Variants in POLR2J observed in about 807,000 individuals in gnomAD.
POLR2J encodes the protein DNA-directed RNA polymerase II subunit RPB11-a.
A neutral mutation model predicts 13.4 loss-of-function variants in POLR2J; 12 were observed. The observed-to-expected ratio is 0.90, with a 90% CI of 0.57 to 1.45. The LOEUF is 1.45. POLR2J is among the 40% of genes most tolerant of loss of function. The pLI is 0.00. For synonymous variants in POLR2J, 31 were observed against 53.6 expected (o/e 0.58, Z 1.84); for missense variants, 58 against 132.0 (o/e 0.44, Z 2.75).
At position 102,473,726 on chromosome 7, in the gene POLR2J, G is replaced by A. The variant is rs373619328; in HGVS notation, c.319-42C>T. On this transcript the variant is annotated intron_variant, in intron 3 of 3. Transcript: ENST00000292614. ...TGGTGGAGACTGAGCTGGAACAGCT[G>A]GGGCAAGGACGCTGGAAACACATGC... 130 of 1,612,920 alleles carry A rather than the reference G, an allele frequency of 8.1e-5. 4 individuals carry two copies. The Middle Eastern group carries it at 6.3e-3, about 78-fold the overall frequency.
In POLR2J at chr7:102,474,460, G is replaced by C; in HGVS notation, c.219C>G (p.Ile73Met). The C allele has an allele frequency of 6.2e-7, 1 of 1,606,936 alleles. No individual in the cohort carries two copies. The highest frequency in any genetic ancestry group is 1.1e-5 in the South Asian group (1 of 90,724). The change falls in exon 3 of 4, where the codon ATC becomes ATG. Residue 73 changes from isoleucine (I) to methionine (M), a missense_variant. Ile to Met is a conservative substitution (Grantham distance 10, BLOSUM62 1). Coordinates refer to ENST00000292614, the MANE Select transcript of POLR2J (RefSeq NM_006234.6). ...TGTAGTCCGGCGTGGTCTGCACTCG[G>C]ATGATGATCTTGTGCTCCAAGGGGT... is the stretch of plus-strand genomic sequence containing the variant. ...VPHPLEHKII[I>M]RVQTTPDYSP...
rs934144717 is a variant in POLR2J, at chr7:102,473,496, C to G, written c.*153G>C. On this transcript the variant is annotated 3_prime_UTR_variant, in exon 4 of 4. Coordinates refer to ENST00000292614, the MANE Select transcript of POLR2J (RefSeq NM_006234.6). ...CTTTATTAGGAATATAAAACCTAAT[C>G]TATGTACAGGACACGTCGGTGTCAG... The G allele has an allele frequency of 2.0e-5, 19 of 941,020 alleles. No homozygotes were observed. Among genetic ancestry groups the G allele is most frequent in the South Asian group, 6.2e-5 (3 of 48,268 alleles). 58.3% of individuals were successfully genotyped at this position (941,020 alleles called of 1,614,324 possible).
chr7:102,475,958 C>T (rs866087750), intron 2 of POLR2J, among the ~76,000 whole-genome samples: 12 of 121,580 alleles, frequency 9.9e-5, no homozygotes, highest in South Asian at 2.5e-4. Context: ...TGTAAATGCA[C>T]ATGTTCATCT....
In POLR2J at chr7:102,473,471, C is replaced by A. The variant is rs1160090741; in HGVS notation, c.*178G>T. The A allele has an allele frequency of 7.5e-6, 6 of 804,304 alleles. No homozygotes were observed. In the African/African-American group the frequency reaches 1.5e-4, roughly 21 times the overall value. 49.8% of individuals were successfully genotyped at this position (804,304 alleles called of 1,614,324 possible). A position where few individuals can be genotyped will look rare whatever the true frequency, so the allele number is the denominator to read the frequency against. Reference sequence around the variant, plus strand: ...CCACATCCAGGTCTCTCCCGCTATACTTTATTAGGAATATAAAACCTAATC... The same window carrying A: ...CCACATCCAGGTCTCTCCCGCTATAATTTATTAGGAATATAAAACCTAATC... On this transcript the variant is annotated 3_prime_UTR_variant, in exon 4 of 4. Transcript: ENST00000292614.
intron 3 of POLR2J, 193 bp downstream of exon 3, chr7:102,474,168 C>T (rs995485370): frequency 2.5e-5 from 38 of 1,539,222 alleles, no homozygotes; most frequent in South Asian, 6.1e-5. Flanking sequence ...ATGGGGCAGA[C>T]GGGAGCCACA....
Position 102,473,525 on chromosome 7 carries a change from G to C in POLR2J, c.*124C>G. 6.9e-7 allele frequency: 1 copy of C among 1,448,438 alleles called. No homozygotes were observed. Among genetic ancestry groups the C allele is most frequent in the Middle Eastern group, 2.1e-4 (1 of 4,664 alleles). 89.7% of individuals were successfully genotyped at this position (1,448,438 alleles called of 1,614,324 possible). A position where few individuals can be genotyped will look rare whatever the true frequency, so the allele number is the denominator to read the frequency against. On this transcript the variant is annotated 3_prime_UTR_variant, in exon 4 of 4. Coordinates refer to ENST00000292614, the MANE Select transcript of POLR2J (RefSeq NM_006234.6). ...GTACAGGACACGTCGGTGTCAGGGT[G>C]AGGGGTGGCCACAAGGCGGGCCATG...
intron 2 of POLR2J, among the ~76,000 whole-genome samples, chr7:102,475,215 A>G (rs188874427): frequency 0.011 from 1,666 of 152,356 alleles, 22 homozygotes; most frequent in Non-Finnish European, 0.015. Context: ...TGCCCACACC[A>G]GGAGACTGGG....
chr7:102,475,755 C>G (rs1798411218), intron 2 of POLR2J, among the ~76,000 whole-genome samples: 1 of 151,228 alleles, frequency 6.6e-6, no homozygotes, highest in South Asian at 2.1e-4. Flanking sequence ...ATCCCCATCT[C>G]TACTAAAAAC....
intron 2 of POLR2J, among the ~76,000 whole-genome samples, chr7:102,475,463 T>C (rs1193117418): frequency 6.6e-6 from 1 of 152,200 alleles, no homozygotes; most frequent in Non-Finnish European, 1.5e-5. Context: ...ATAGAAGTTC[T>C]AGTCTCTGCC....
At chr7:102,476,878 C>G in intron 1 of POLR2J, among the ~76,000 whole-genome samples, 1 of 55,174 alleles carries the variant, frequency 1.8e-5, no homozygotes, top group South Asian at 6.0e-4. Context: ...GCTGCCCAGG[C>G]TGGAGTGCAG....
intron 3 of POLR2J, chr7:102,474,149 A>G: frequency 3.3e-6 from 5 of 1,527,928 alleles, no homozygotes; most frequent in East Asian, 2.4e-5. Flanking sequence ...GCAGCACTAC[A>G]GAAGTCCCAT....
Position 102,473,627 on chromosome 7 carries a change from C to A in POLR2J, c.*22G>T. 3 of 1,613,528 alleles carry A rather than the reference C, an allele frequency of 1.9e-6. No homozygotes were observed. Among genetic ancestry groups the A allele is most frequent in the Non-Finnish European group, 2.5e-6 (3 of 1,179,804 alleles). ...ACAGGTAGGAACGGGGCTCACAGGC[C>A]GAGCAGAGCCCCCTCTGGCCCCTAC... On this transcript the variant is annotated 3_prime_UTR_variant, in exon 4 of 4. Transcript: ENST00000292614.
chr7:102,475,955 G>A lies in POLR2J; in HGVS notation c.143+226C>T, dbSNP rs1300910784. Among the ~76,000 whole-genome samples, 2 of 120,334 alleles carry A rather than the reference G, an allele frequency of 1.7e-5. 1 individual carries two copies. Among genetic ancestry groups the A allele is most frequent in the African/African-American group, 5.4e-5 (2 of 36,932 alleles). 78.9% of individuals were successfully genotyped at this position (120,334 alleles called of 152,430 possible). On this transcript the variant is annotated intron_variant, in intron 2 of 3. Coordinates refer to ENST00000292614, the MANE Select transcript of POLR2J (RefSeq NM_006234.6). ...AAACAAACAAACAGTGAATGTAAAT[G>A]CACATGTTCATCTACAGAATAAGCC...
rs985200558 is a variant in POLR2J, at chr7:102,476,546, AG to A, written c.54-277del. 5.8e-4 allele frequency among the ~76,000 whole-genome samples: 86 copies of A among 147,890 alleles called. 1 individual carries two copies. Among genetic ancestry groups the A allele is most frequent in the Non-Finnish European group, 2.1e-4 (14 of 67,416 alleles). On this transcript the variant is annotated intron_variant, in intron 1 of 3. Coordinates refer to ENST00000292614, the MANE Select transcript of POLR2J (RefSeq NM_006234.6). Reference sequence around the variant, plus strand: ...TCCTAGCTACTTGGGAGACTGAGGCAGGAGAATCACTTGAACCTGGGAGGTG... The same window carrying A: ...TCCTAGCTACTTGGGAGACTGAGGCAGAGAATCACTTGAACCTGGGAGGTG...
intron 2 of POLR2J, among the ~76,000 whole-genome samples, chr7:102,475,337 C>G (rs1798396808): frequency 6.6e-6 from 1 of 152,252 alleles, no homozygotes; most frequent in Non-Finnish European, 1.5e-5. Context: ...AGACACATCC[C>G]TGACCAACCA....
At chr7:102,478,719 T>A in intron 1 of POLR2J, 89 bp downstream of exon 1, 1 of 1,571,108 alleles carries the variant, frequency 6.4e-7, no homozygotes, top group South Asian at 1.1e-5. Context: ...GCTGTTTCCC[T>A]CCCGGGGCAA....
At chr7:102,475,261 C>T (rs1042814308) in intron 2 of POLR2J, among the ~76,000 whole-genome samples, 13 of 152,248 alleles carry the variant, frequency 8.5e-5, no homozygotes, top group East Asian at 1.9e-4. Flanking sequence ...AGCCTGGCTT[C>T]GCTGGTGGCA....
At chr7:102,474,004 C>A (rs2133280917) in intron 3 of POLR2J, 1 of 1,437,740 alleles carries the variant, frequency 7.0e-7, no homozygotes, top group Non-Finnish European at 9.1e-7. Flanking sequence ...AGGTGTGGGC[C>A]ACCCGGGGGT....
intron 2 of POLR2J, among the ~76,000 whole-genome samples, chr7:102,475,370 TAAAC>T (rs1005360996): frequency 4.6e-5 from 7 of 152,320 alleles, no homozygotes; most frequent in African/African-American, 9.6e-5. Context: ...CTCACTGGTA[TAAAC>T]AAACACCCAC....
Sources: allele counts gnomAD v4.1 joint callset (sites outside exome capture counted in the v4.1 genomes callset), GRCh38; gene constraint gnomAD v4.1.1; transcripts MANE v1.5; gene names NCBI Gene and HGNC (gene_info 2026-07-23, HGNC 2026-07-21).